The following LPIN1 variants were observed in gnomAD, a reference collection of about 807,000 sequenced individuals.
LPIN1 encodes phosphatidate phosphatase LPIN1.
In LPIN1, 71 loss-of-function variants were observed where a neutral mutation model predicts 107.5. The ratio of observed to expected loss-of-function variants is 0.66; its 90% CI spans 0.55 to 0.80. The LOEUF is 0.80. Ranked by LOEUF, LPIN1 falls within the 30% of genes least tolerant of loss-of-function variation. The pLI is 0.00. For synonymous variants in LPIN1, 445 were observed against 452.6 expected, an observed-to-expected ratio of 0.98 and a Z score of 0.21; for missense variants, 1,043 against 1,160.6, an observed-to-expected ratio of 0.90 and a Z score of 1.47.
upstream of LPIN1, chr2:11,723,714 A>C (rs368394540): frequency 2.1e-4 from 32 of 152,288 alleles, no homozygotes; most frequent in African/African-American, 7.5e-4. Context: ...TTCCGTGAAA[A>C]GTTTGGGCTC....
At chr2:11,806,782 C>T (rs200822214) in intron 17 of LPIN1, among the ~76,000 whole-genome samples, 53 of 152,320 alleles carry the variant, frequency 3.5e-4, no homozygotes, top group Admixed American at 1.9e-3. Context: ...CCTGCCTGCC[C>T]TTGCTGCAAG....
chr2:11,760,547 G>A (rs192571743), intron 1 of LPIN1, among the ~76,000 whole-genome samples: 152 of 152,300 alleles, frequency 1.0e-3, no homozygotes, highest in African/African-American at 3.6e-3. Context: ...CAGGCGTGGC[G>A]GCGCACGCCT....
rs1666970846 is a variant in LPIN1, at chr2:11,746,651, G to C, written c.-30G>C. 1.0e-6 allele frequency: 1 copy of C among 985,254 alleles called. No individual in the cohort carries two copies. The highest frequency in any genetic ancestry group is 1.7e-5 in the African/African-American group (1 of 57,344). The allele number at this position is 985,254 out of a possible 1,614,324, so 61.0% of individuals were successfully genotyped here. On this transcript the variant is annotated 5_prime_UTR_variant, in exon 1 of 21. Transcript: ENST00000674199. The stretch of plus-strand genomic sequence containing the variant: ...GGCTGGGTGTTTGCAATACAAAGGC[G>C]GCCACGCGCGGCGCCGCTCGGTGAG...
At chr2:11,758,657 C>T (rs989398065) in intron 1 of LPIN1, among the ~76,000 whole-genome samples, 1 of 152,144 alleles carries the variant, frequency 6.6e-6, no homozygotes, top group East Asian at 1.9e-4. Context: ...TTCAGATTTG[C>T]AAAGAAGTTA....
At chr2:11,727,584 T>G (rs921764617) in intron 1 of LPIN1, among the ~76,000 whole-genome samples, 1 of 152,194 alleles carries the variant, frequency 6.6e-6, no homozygotes, top group African/African-American at 2.4e-5. Context: ...AGAGAAAATA[T>G]ATTTATTATA....
chr2:11,681,336 G>A (rs771797659), intron 1 of LPIN1: 1 of 152,252 alleles, frequency 6.6e-6, no homozygotes, highest in African/African-American at 2.4e-5. Context: ...GGTTTGGTGG[G>A]AGGTGATTGG....
At chr2:11,728,213 G>A (rs1444123046) in intron 1 of LPIN1, among the ~76,000 whole-genome samples, 1 of 152,128 alleles carries the variant, frequency 6.6e-6, no homozygotes, top group Non-Finnish European at 1.5e-5. Context: ...AATGCATAGA[G>A]TCATGTATCC....
chr2:11,767,748 A>G lies in LPIN1; in HGVS notation c.193-15A>G. ...AAGGCAGTTCATTCTTTTCTTAACC[A>G]TGTTTTCCCTTCAGGTTGACATAGA... On this transcript the variant is annotated splice_polypyrimidine_tract_variant and intron_variant, in intron 2 of 20. Transcript: ENST00000674199. 3 of 1,555,044 alleles carry G rather than the reference A, an allele frequency of 1.9e-6. No individual in the cohort carries two copies. The highest frequency in any genetic ancestry group is 2.7e-6 in the Non-Finnish European group (3 of 1,126,176).
intron 1 of LPIN1, among the ~76,000 whole-genome samples, chr2:11,729,412 T>C (rs1487916146): frequency 6.6e-6 from 1 of 152,252 alleles, no homozygotes; most frequent in East Asian, 1.9e-4. Context: ...TCCCAAGTCT[T>C]TCCTCCAATC....
chr2:11,713,906 C>A, intron 2 of LPIN1: 1 of 857,424 alleles, frequency 1.2e-6, no homozygotes, highest in Non-Finnish European at 1.9e-6. Flanking sequence ...GTCGCCATGG[C>A]TATCTGCAGT....
intron 1 of LPIN1, among the ~76,000 whole-genome samples, chr2:11,712,707 G>T (rs1420508773): frequency 6.6e-6 from 1 of 152,138 alleles, no homozygotes; most frequent in Non-Finnish European, 1.5e-5. Flanking sequence ...GGGGCTTCTG[G>T]GGCTGTTTAT....
At chr2:11,815,325 T>G in intron 18 of LPIN1, 85 bp downstream of exon 18, 1 of 1,479,682 alleles carries the variant, frequency 6.8e-7, no homozygotes, top group Non-Finnish European at 9.3e-7. Context: ...AAGAATAGCC[T>G]CCTCACTGGT....
At chr2:11,718,107 G>T (rs1321999344) in intron 2 of LPIN1, among the ~76,000 whole-genome samples, 2 of 152,082 alleles carry the variant, frequency 1.3e-5, no homozygotes, top group Non-Finnish European at 1.5e-5. Context: ...CTGTCCTCTT[G>T]GGAGGTCCTC....
upstream of LPIN1, among the ~76,000 whole-genome samples, chr2:11,741,701 G>A (rs1397684190): frequency 6.6e-6 from 1 of 152,128 alleles, no homozygotes; most frequent in Non-Finnish European, 1.5e-5. Context: ...GTCCCAGCTA[G>A]TCAGGAGGCT....
chr2:11,738,192 A>G (rs533544370), intron 1 of LPIN1, among the ~76,000 whole-genome samples: 1 of 152,096 alleles, frequency 6.6e-6, no homozygotes, highest in South Asian at 2.1e-4. Context: ...TAATGAGAAC[A>G]CATGGACACA....
intron 1 of LPIN1, among the ~76,000 whole-genome samples, chr2:11,700,286 T>A (rs1662802920): frequency 6.6e-6 from 1 of 152,136 alleles, no homozygotes; most frequent in African/African-American, 2.4e-5. Context: ...CATCCCAGGG[T>A]ACTCTTAGAC....
At chr2:11,759,273 C>T (rs1242873262) in intron 1 of LPIN1, among the ~76,000 whole-genome samples, 1 of 151,636 alleles carries the variant, frequency 6.6e-6, no homozygotes, top group Non-Finnish European at 1.5e-5. Context: ...GAGGGAAGGT[C>T]AGCAGATAAA....
upstream of LPIN1, among the ~76,000 whole-genome samples, chr2:11,742,370 G>A (rs1302996665): frequency 6.6e-6 from 1 of 152,114 alleles, no homozygotes; most frequent in African/African-American, 2.4e-5. Context: ...ACTCTTAAGG[G>A]TTTTCTACTT....
chr2:11,791,832 G>T, intron 12 of LPIN1, 82 bp from the exon 13 acceptor site: 2 of 1,554,394 alleles, frequency 1.3e-6, no homozygotes, highest in Non-Finnish European at 1.7e-6. Flanking sequence ...ACTTTAATTT[G>T]CATGTATGTT....
Sources: gnomAD v4.1 joint callset for allele counts (sites outside exome capture counted in the v4.1 genomes callset) on GRCh38, gnomAD v4.1.1 for gene constraint, MANE v1.5 for transcripts, NCBI Gene and HGNC (gene_info 2026-07-23, HGNC 2026-07-21) for gene names.